The following KLHL6 variants were observed in gnomAD, a reference collection of about 807,000 sequenced individuals.
KLHL6 encodes kelch like family member 6, also known as kelch-like protein 6.
KLHL6 carries 41 observed loss-of-function variants against 58.6 expected under a neutral mutation model. The ratio of observed to expected loss-of-function variants is 0.70; its 90% CI spans 0.55 to 0.91. The LOEUF (loss-of-function observed/expected upper bound fraction) is 0.91. Among genes scored for constraint, KLHL6 ranks in the 40% least tolerant of loss-of-function variants. The pLI, the probability that KLHL6 is intolerant of heterozygous loss-of-function variation, is 0.00. For missense variants in KLHL6, 714 were observed against 805.6 expected (o/e 0.89, Z 1.38); for synonymous variants, 338 against 322.7 (o/e 1.05, Z -0.51).
intron 1 of KLHL6, among the ~76,000 whole-genome samples, chr3:183,536,052 G>A (rs1426940782): frequency 6.6e-6 from 1 of 152,222 alleles, no homozygotes; most frequent in African/African-American, 2.4e-5. Flanking sequence ...GGGATTACAG[G>A]TGTCAGCCAC....
chr3:183,537,316 G>A (rs541283693), intron 1 of KLHL6, among the ~76,000 whole-genome samples: 14 of 152,224 alleles, frequency 9.2e-5, no homozygotes, highest in East Asian at 7.7e-4. Flanking sequence ...GGCCTTTTGC[G>A]GGGGATCAAC....
In KLHL6 at chr3:183,492,376, G is replaced by C; in HGVS notation, c.1564+118C>G. 7.7e-7 allele frequency: 1 copy of C among 1,296,072 alleles called. No homozygotes were observed. Among genetic ancestry groups the C allele is most frequent in the Non-Finnish European group, 1.1e-6 (1 of 932,808 alleles). 80.3% of individuals were successfully genotyped at this position (1,296,072 alleles called of 1,614,324 possible). A position where few individuals can be genotyped will look rare whatever the true frequency, so the allele number is the denominator to read the frequency against. On this transcript the variant is annotated intron_variant, in intron 6 of 6. Transcript: ENST00000341319. This position sits in a 1 kb window ranked among gnomAD's most constrained non-coding sequence, Gnocchi z 5.9. ...TGATGGCTCTCCTGAAAGCCAGAGT[G>C]GGTCCTAGGGGCAGTGAGTTGCCAG...
Position 183,492,861 on chromosome 3 carries a change from C to T in KLHL6, c.1351-154G>A. 3.1e-6 allele frequency: 2 copies of T among 635,544 alleles called. No homozygotes were observed. The highest frequency in any genetic ancestry group is 2.8e-5 in the East Asian group (1 of 35,994). 39.4% of individuals were successfully genotyped at this position (635,544 alleles called of 1,614,324 possible). ...CATGGGCTTGACTCCTCTTAAGACA[C>T]AGCAAGAATGAAAGCATGCATTTCC... On this transcript the variant is annotated intron_variant, in intron 5 of 6. Transcript: ENST00000341319. This position sits in a 1 kb window ranked among gnomAD's most constrained non-coding sequence, Gnocchi z 5.9.
In KLHL6 at chr3:183,499,935, AC is replaced by A; in HGVS notation, c.910-109del. On this transcript the variant is annotated intron_variant, in intron 3 of 6. Coordinates refer to ENST00000341319, the MANE Select transcript of KLHL6 (RefSeq NM_130446.4). The surrounding 1 kb of genome is among the most constrained non-coding windows in gnomAD (Gnocchi z 4.6). The stretch of plus-strand genomic sequence containing the variant: ...CAATTCCCATATCTGCCACGGTATG[AC>A]CATGTGACTTCACCTCCCTGAGCCT... 2 of 718,752 alleles carry A rather than the reference AC, an allele frequency of 2.8e-6. No homozygotes were observed. The highest frequency in any genetic ancestry group is 4.4e-6 in the Non-Finnish European group (2 of 452,594). The allele number at this position is 718,752 out of a possible 1,614,324, so 44.5% of individuals were successfully genotyped here.
intron 2 of KLHL6, 131 bp from the exon 3 acceptor site, chr3:183,508,639 T>TAC (rs534218433): frequency 1.6e-4 from 110 of 687,688 alleles, no homozygotes; most frequent in Non-Finnish European, 2.6e-4. Context: ...ATGAGCTAAA[T>TAC]ACATATAATT....
At chr3:183,534,836 T>C (rs1376682799) in intron 1 of KLHL6, among the ~76,000 whole-genome samples, 1 of 151,918 alleles carries the variant, frequency 6.6e-6, no homozygotes, top group Non-Finnish European at 1.5e-5. Flanking sequence ...ATAACTTACA[T>C]TCTTTTTCTC....
intron 1 of KLHL6, among the ~76,000 whole-genome samples, chr3:183,532,221 A>G (rs1358253096): frequency 2.6e-5 from 4 of 152,186 alleles, no homozygotes; most frequent in African/African-American, 9.7e-5. Context: ...TTCCACACCC[A>G]CCTCACCACT....
At chr3:183,496,330 A>G (rs1436484822) in intron 4 of KLHL6, among the ~76,000 whole-genome samples, 3 of 144,608 alleles carry the variant, frequency 2.1e-5, no homozygotes, top group Admixed American at 1.4e-4. Context: ...AATTTAAATG[A>G]CTAATAATAA....
In KLHL6 at chr3:183,525,267, A is replaced by ACACACACACAC. The variant is rs1553811023; in HGVS notation, c.459+2577_459+2578insGTGTGTGTGTG. 3.6e-3 allele frequency among the ~76,000 whole-genome samples: 448 copies of ACACACACACAC among 125,712 alleles called. 6 individuals are homozygous for ACACACACACAC. The highest frequency in any genetic ancestry group is 5.9e-3 in the African/African-American group (197 of 33,204). The allele number at this position is 125,712 out of a possible 152,430, so 82.5% of individuals were successfully genotyped here. On this transcript the variant is annotated intron_variant, in intron 2 of 6. Coordinates refer to ENST00000341319, the MANE Select transcript of KLHL6 (RefSeq NM_130446.4). ...CAACAGAGTGAGACTCTCTAAAAAA[A>ACACACACACAC]AAACACACACACACACACACACACA... is the stretch of plus-strand genomic sequence containing the variant.
intron 2 of KLHL6, among the ~76,000 whole-genome samples, chr3:183,518,663 T>A (rs1711637351): frequency 6.6e-6 from 1 of 152,088 alleles, no homozygotes; most frequent in Admixed American, 6.6e-5. Context: ...GGCTTTTGAG[T>A]TTCTAAATAG....
At chr3:183,522,513 A>G (rs1407735744) in intron 2 of KLHL6, 1 of 152,244 alleles carries the variant, frequency 6.6e-6, no homozygotes, top group African/African-American at 2.4e-5. Flanking sequence ...TAGCAAGGAA[A>G]TAATCCAGCT....
At chr3:183,515,953 G>C (rs980439883) in intron 2 of KLHL6, among the ~76,000 whole-genome samples, 2 of 152,174 alleles carry the variant, frequency 1.3e-5, no homozygotes, top group African/African-American at 2.4e-5. Context: ...TTATTTAACA[G>C]GTAAAAAAGG....
At chr3:183,541,318 G>A (rs1712544609) in intron 1 of KLHL6, among the ~76,000 whole-genome samples, 2 of 152,216 alleles carry the variant, frequency 1.3e-5, no homozygotes, top group Admixed American at 6.5e-5. Context: ...GAGGGAAAGG[G>A]ACAGAAGACA....
chr3:183,516,659 G>C (rs950272503), intron 2 of KLHL6, among the ~76,000 whole-genome samples: 2 of 152,192 alleles, frequency 1.3e-5, no homozygotes, highest in Non-Finnish European at 2.9e-5. Flanking sequence ...GGTCCTAGGG[G>C]ACTTCACCCA....
At chr3:183,513,582 AC>A (rs1718248571) in intron 2 of KLHL6, among the ~76,000 whole-genome samples, 1 of 152,234 alleles carries the variant, frequency 6.6e-6, no homozygotes, top group Non-Finnish European at 1.5e-5. Context: ...GAAGGAAACC[AC>A]AGAGGAGAAT....
chr3:183,507,912 G>T, intron 3 of KLHL6, 147 bp downstream of exon 3: 1 of 679,902 alleles, frequency 1.5e-6, no homozygotes, highest in Non-Finnish European at 2.5e-6. Context: ...AGGGCTTCTG[G>T]AACTGACCGA....
chr3:183,511,602 AG>A lies in KLHL6; in HGVS notation c.460-3095del, dbSNP rs1257097150. On this transcript the variant is annotated intron_variant, in intron 2 of 6. Coordinates refer to ENST00000341319, the MANE Select transcript of KLHL6 (RefSeq NM_130446.4). ...GACCTTGGACAATACCCGGCTTTCCAGGGCAGAGGTCCCTGCGGCTTTCTGC... is the reference window on the plus strand; with the variant it reads ...GACCTTGGACAATACCCGGCTTTCCAGGCAGAGGTCCCTGCGGCTTTCTGC... Among the ~76,000 whole-genome samples the A allele has an allele frequency of 2.0e-5, 3 of 152,316 alleles. No individual in the cohort carries two copies. In the East Asian group the frequency reaches 5.8e-4, roughly 29 times the overall value.
At position 183,494,068 on chromosome 3, in the gene KLHL6, G is replaced by A. The variant is rs768308747; in HGVS notation, c.1350+11C>T. ...ATACAGGCAGTTACTGGTAGAAATCGTGTCCTATACCTCTGACCAGCAGTT... is the reference window on the plus strand; with the variant it reads ...ATACAGGCAGTTACTGGTAGAAATCATGTCCTATACCTCTGACCAGCAGTT... On this transcript the variant is annotated intron_variant, in intron 5 of 6. Coordinates refer to ENST00000341319, the MANE Select transcript of KLHL6 (RefSeq NM_130446.4). The A allele has an allele frequency of 7.5e-6, 12 of 1,610,104 alleles. No homozygotes were observed. Among genetic ancestry groups the A allele is most frequent in the East Asian group, 4.5e-5 (2 of 44,872 alleles).
intron 5 of KLHL6, chr3:183,493,103 A>C: frequency 4.7e-6 from 1 of 212,592 alleles, no homozygotes; most frequent in Non-Finnish European, 9.5e-6. Context: ...ACCAGCATTG[A>C]TTTTCCTTGG....
Sources: gnomAD v4.1 joint callset for allele counts (sites outside exome capture counted in the v4.1 genomes callset) on GRCh38, gnomAD v4.1.1 for gene constraint, Gnocchi (gnomAD v3.1) non-coding constraint, MANE v1.5 for transcripts, NCBI Gene and HGNC (gene_info 2026-07-23, HGNC 2026-07-21) for gene names.